Variants in CC2D2A observed in about 807,000 individuals in gnomAD.
CC2D2A encodes the protein coiled-coil and C2 domain-containing protein 2A.
Under a neutral mutation model 212.9 loss-of-function variants are expected in CC2D2A, and 155 were observed. The observed-to-expected ratio is 0.73, with a 90% confidence interval of 0.64 to 0.83. The LOEUF is 0.83. Among genes scored for constraint, CC2D2A ranks in the 40% least tolerant of loss-of-function variants. The probability of loss-of-function intolerance (pLI) is 0.00; values close to 1 mark genes in which losing one functional copy is unlikely to be tolerated. For synonymous variants in CC2D2A, 667 were observed against 686.5 expected (o/e 0.97, Z 0.44); for missense variants, 1,856 against 1,956.2 (o/e 0.95, Z 0.97).
intron 30 of CC2D2A, among the ~76,000 whole-genome samples, chr4:15,584,860 A>T (rs1240804103): frequency 6.6e-6 from 1 of 152,254 alleles, no homozygotes; most frequent in African/African-American, 2.4e-5. Flanking sequence ...GGTATTTCTC[A>T]AAAGAAGACA....
intron 5 of CC2D2A, 101 bp from the exon 6 acceptor site, chr4:15,502,721 C>A: frequency 8.8e-7 from 1 of 1,131,296 alleles, no homozygotes. Flanking sequence ...GAACCATTTT[C>A]CTTGCTCTTC....
At chr4:15,529,919 T>C (rs1717740255) in intron 13 of CC2D2A, among the ~76,000 whole-genome samples, 1 of 150,718 alleles carries the variant, frequency 6.6e-6, no homozygotes, top group African/African-American at 2.4e-5. Flanking sequence ...TATTATTAAG[T>C]TTTAGGGTAC....
intron 4 of CC2D2A, among the ~76,000 whole-genome samples, chr4:15,491,807 G>T (rs896715385): frequency 6.6e-6 from 1 of 152,172 alleles, no homozygotes; most frequent in Non-Finnish European, 1.5e-5. Context: ...TACATAATTT[G>T]AAAATATTTT....
chr4:15,501,454 C>T (rs1007663627), intron 4 of CC2D2A, among the ~76,000 whole-genome samples: 3 of 152,034 alleles, frequency 2.0e-5, no homozygotes, highest in East Asian at 1.9e-4. Flanking sequence ...ACATTCTTCA[C>T]GACATCCACA....
intron 5 of CC2D2A, 130 bp downstream of exon 5, chr4:15,502,647 T>C (rs920169939): frequency 2.9e-6 from 3 of 1,022,340 alleles, no homozygotes; most frequent in African/African-American, 1.6e-5. Flanking sequence ...GTTTTAAATG[T>C]TAATGTCTTA....
At chr4:15,477,870 C>T (rs1379670925) in intron 2 of CC2D2A, among the ~76,000 whole-genome samples, 1 of 152,160 alleles carries the variant, frequency 6.6e-6, no homozygotes, top group Non-Finnish European at 1.5e-5. Context: ...CAGAAACCTG[C>T]ATGATATTTC....
intron 17 of CC2D2A, among the ~76,000 whole-genome samples, chr4:15,549,253 C>A (rs1021504281): frequency 6.6e-6 from 1 of 152,080 alleles, no homozygotes; most frequent in Non-Finnish European, 1.5e-5. Flanking sequence ...TAGTATAGAT[C>A]AAAATATTGC....
chr4:15,517,426 C>T (rs1032720530), intron 11 of CC2D2A, among the ~76,000 whole-genome samples: 21 of 152,104 alleles, frequency 1.4e-4, no homozygotes, highest in Middle Eastern at 3.2e-3. Flanking sequence ...ATTATATAAC[C>T]GGAGAGTTTC....
intron 4 of CC2D2A, among the ~76,000 whole-genome samples, chr4:15,499,759 G>T (rs1410269503): frequency 1.3e-5 from 2 of 151,992 alleles, no homozygotes; most frequent in Non-Finnish European, 2.9e-5. Context: ...GTGGTGGAGG[G>T]GGTTGGTGAC....
chr4:15,550,373 T>C (rs1718934305), intron 17 of CC2D2A, among the ~76,000 whole-genome samples: 1 of 152,196 alleles, frequency 6.6e-6, no homozygotes, highest in Non-Finnish European at 1.5e-5. Flanking sequence ...TCTGGAGTGC[T>C]TCTGCATATG....
chr4:15,545,720 T>C (rs113354828), intron 17 of CC2D2A, among the ~76,000 whole-genome samples: 1 of 124,246 alleles, frequency 8.0e-6, no homozygotes, highest in Non-Finnish European at 1.8e-5. Flanking sequence ...AATGGGAAGA[T>C]GGGAAGAAGG....
At chr4:15,590,312 C>T (rs1359438424) in intron 33 of CC2D2A, among the ~76,000 whole-genome samples, 3 of 152,094 alleles carry the variant, frequency 2.0e-5, no homozygotes, top group Admixed American at 6.5e-5. Context: ...GTCAGGAGTT[C>T]GAGACCAGCC....
chr4:15,510,039 G>C, intron 6 of CC2D2A, 100 bp from the exon 7 acceptor site: 1 of 851,048 alleles, frequency 1.2e-6, no homozygotes, highest in South Asian at 1.6e-5. Context: ...GCAGCAGTCA[G>C]AAGATAAGCC....
rs191252227 is a variant in CC2D2A, at chr4:15,493,786, C to T, written c.248-8643C>T. ...TATCCCTAGTACCTTGAACACATAA[C>T]AGATGCTCAAAGAATATTTGTTGGT... is the stretch of plus-strand genomic sequence containing the variant. On this transcript the variant is annotated intron_variant, in intron 4 of 36. Transcript: ENST00000424120. Among the ~76,000 whole-genome samples the T allele has an allele frequency of 4.6e-5, 7 of 152,298 alleles. No individual in the cohort carries two copies. The South Asian group carries it at 1.4e-3, about 32-fold the overall frequency.
intron 4 of CC2D2A, among the ~76,000 whole-genome samples, chr4:15,492,196 AAC>A (rs1715343398): frequency 6.6e-6 from 1 of 152,174 alleles, no homozygotes; most frequent in South Asian, 2.1e-4. Context: ...AGTCATCCAT[AAC>A]ACCTGTCTTT....
At chr4:15,527,365 C>G (rs769372884) in intron 11 of CC2D2A, 82 bp from the exon 12 acceptor site, 1 of 1,023,048 alleles carries the variant, frequency 9.8e-7, no homozygotes, top group Non-Finnish European at 1.4e-6. Context: ...TGCATCTGAC[C>G]GTTTTCCCAT....
Position 15,587,914 on chromosome 4 carries a change from C to A in CC2D2A, c.4164C>A (p.Gly1388=), listed in dbSNP as rs1464985963. Reference sequence around the variant, plus strand: ...GTAAGAAGGCCTGGCTGTTGATGGGCAATGCTATTCCTGAGGTAAGACCAC... The same window carrying A: ...GTAAGAAGGCCTGGCTGTTGATGGGAAATGCTATTCCTGAGGTAAGACCAC... ...SLGKKAWLLM[G]NAIPEGPTAY... The change falls in exon 32 of 37, where the codon GGC becomes GGA. Residue 1388 remains glycine, a synonymous_variant. Transcript: ENST00000424120. The A allele has an allele frequency of 6.2e-7, 1 of 1,605,542 alleles. No individual in the cohort carries two copies. Among genetic ancestry groups the A allele is most frequent in the Non-Finnish European group, 8.5e-7 (1 of 1,172,546 alleles).
chr4:15,527,479 G>T lies in CC2D2A; in HGVS notation c.1182G>T (p.Val394=), dbSNP rs762415141. The change falls in exon 12 of 37, where the codon GTG becomes GTT. Residue 394 remains valine, a synonymous_variant. Coordinates refer to ENST00000424120, the MANE Select transcript of CC2D2A (RefSeq NM_001378615.1). ...AVKYVHSSQH[V]IRSGDPPGNF... Reference sequence around the variant, plus strand: ...AATACGTTCACAGTAGTCAGCATGTGATCAGATCTGGAGACCCTCCTGGAA... The same window carrying T: ...AATACGTTCACAGTAGTCAGCATGTTATCAGATCTGGAGACCCTCCTGGAA... The T allele has an allele frequency of 6.2e-7, 1 of 1,613,560 alleles. No individual in the cohort carries two copies. The highest frequency in any genetic ancestry group is 2.2e-5 in the East Asian group (1 of 44,882).
intron 14 of CC2D2A, among the ~76,000 whole-genome samples, chr4:15,534,139 T>G (rs1167906447): frequency 6.6e-6 from 1 of 152,256 alleles, no homozygotes; most frequent in African/African-American, 2.4e-5. Context: ...GAGGTGTCTC[T>G]TCAAGGCTTT....
Sources: gnomAD v4.1 joint callset for allele counts (sites outside exome capture counted in the v4.1 genomes callset) on GRCh38, gnomAD v4.1.1 for gene constraint, MANE v1.5 for transcripts, NCBI Gene and HGNC (gene_info 2026-07-23, HGNC 2026-07-21) for gene names.